STRADA: variants seen among roughly 807,000 people sequenced by gnomAD.
The protein encoded by STRADA is STE20 related adaptor alpha.
A neutral mutation model predicts 55.0 loss-of-function variants in STRADA; 26 were observed. The ratio of observed to expected loss-of-function variants is 0.47; its 90% CI spans 0.35 to 0.66. The LOEUF (loss-of-function observed/expected upper bound fraction) is 0.66, where lower values mean the gene tolerates loss of function less well. STRADA is among the 30% of genes least tolerant of loss of function. The pLI, the probability that STRADA is intolerant of heterozygous loss-of-function variation, is 0.01. For missense variants in STRADA, 443 were observed against 549.7 expected, an observed-to-expected ratio of 0.81 and a Z score of 1.94; for synonymous variants, 197 against 210.9, an observed-to-expected ratio of 0.93 and a Z score of 0.57.
Position 63,713,387 on chromosome 17 carries a change from C to T in STRADA, c.348+19G>A. 6.2e-7 allele frequency: 1 copy of T among 1,610,596 alleles called. No homozygotes were observed. The highest frequency in any genetic ancestry group is 2.2e-5 in the East Asian group (1 of 44,772). Reference sequence around the variant, plus strand: ...AAGAGCCCACCCTCCCTCCATGTGACACACTCATGGTTTATTACCTGCAAG... The same window carrying T: ...AAGAGCCCACCCTCCCTCCATGTGATACACTCATGGTTTATTACCTGCAAG... On this transcript the variant is annotated intron_variant, in intron 6 of 12. Coordinates refer to ENST00000336174, the MANE Select transcript of STRADA (RefSeq NM_001003787.4).
intron 1 of STRADA, among the ~76,000 whole-genome samples, chr17:63,728,797 C>T (rs1246072576): frequency 7.0e-6 from 1 of 143,238 alleles, no homozygotes; most frequent in Non-Finnish European, 1.5e-5. Context: ...ATCCCACCTA[C>T]TTAAGAATCG....
At chr17:63,716,731 T>G (rs773430212) in intron 4 of STRADA, among the ~76,000 whole-genome samples, 1 of 152,246 alleles carries the variant, frequency 6.6e-6, no homozygotes. Context: ...ACGTCCATAT[T>G]AAAGGCACTG....
intron 1 of STRADA, chr17:63,741,282 C>T (rs929927190): frequency 6.6e-6 from 1 of 152,246 alleles, no homozygotes; most frequent in African/African-American, 2.4e-5. Context: ...ATGAGCTCTT[C>T]GTTTAGGCCG....
At chr17:63,720,090 T>C (rs2037189867) in intron 4 of STRADA, among the ~76,000 whole-genome samples, 1 of 151,532 alleles carries the variant, frequency 6.6e-6, no homozygotes, top group Non-Finnish European at 1.5e-5. Flanking sequence ...GGCATGATCA[T>C]AGTTCACTAC....
At chr17:63,704,811 CA>C (rs2035971867) in intron 10 of STRADA, 3 of 1,535,112 alleles carry the variant, frequency 2.0e-6, no homozygotes, top group South Asian at 2.4e-5. Flanking sequence ...AGGGGTTGCA[CA>C]AAAGTACCCG....
chr17:63,740,010 C>T (rs71377708), intron 1 of STRADA, among the ~76,000 whole-genome samples: 1 of 144,850 alleles, frequency 6.9e-6, no homozygotes, highest in Non-Finnish European at 1.5e-5. Flanking sequence ...TCAAGCAATC[C>T]TACTGCCTCA....
intron 3 of STRADA, among the ~76,000 whole-genome samples, chr17:63,724,645 C>T (rs181142412): frequency 1.3e-5 from 2 of 152,144 alleles, no homozygotes; most frequent in Non-Finnish European, 2.9e-5. Context: ...AACTCCCGAC[C>T]TTGTGATCTG....
rs1370153885 is a variant in STRADA at position 63,710,488 on chromosome 17, C to T, written c.581+3G>A. On this transcript the variant is annotated splice_donor_region_variant and intron_variant, in intron 8 of 12. Coordinates refer to ENST00000336174, the MANE Select transcript of STRADA (RefSeq NM_001003787.4). ...TCATGGGAAAGGCCGCCTAAGAACG[C>T]ACCTGTGTACATATCCCATGTGGTG... 1 of 1,613,408 alleles carries T rather than the reference C, an allele frequency of 6.2e-7. No individual in the cohort carries two copies. Among genetic ancestry groups the T allele is most frequent in the Admixed American group, 1.7e-5 (1 of 60,024 alleles).
intron 4 of STRADA, among the ~76,000 whole-genome samples, chr17:63,719,638 C>A (rs1170821291): frequency 6.6e-6 from 1 of 152,154 alleles, no homozygotes; most frequent in Non-Finnish European, 1.5e-5. Flanking sequence ...TGCGTGCTAC[C>A]ATGCCCGGCT....
At chr17:63,703,906 A>G in intron 12 of STRADA, 99 bp downstream of exon 12, 1 of 1,607,006 alleles carries the variant, frequency 6.2e-7, no homozygotes, top group South Asian at 1.1e-5. Flanking sequence ...GAAGCGGGGT[A>G]GTTTCTCTCA....
At chr17:63,708,900 A>T (rs904552170) in intron 8 of STRADA, among the ~76,000 whole-genome samples, 5 of 152,204 alleles carry the variant, frequency 3.3e-5, no homozygotes, top group Non-Finnish European at 7.3e-5. Flanking sequence ...ACTCTTGTAA[A>T]GTGTACCTAG....
chr17:63,739,896 C>G (rs1369740045), intron 1 of STRADA, among the ~76,000 whole-genome samples: 1 of 144,318 alleles, frequency 6.9e-6, no homozygotes, highest in Non-Finnish European at 1.5e-5. Flanking sequence ...AAGGCCCGGG[C>G]CTGGGGAGAT....
chr17:63,736,521 G>A (rs751485828), intron 1 of STRADA, among the ~76,000 whole-genome samples: 32 of 151,696 alleles, frequency 2.1e-4, no homozygotes, highest in Non-Finnish European at 4.3e-4. Flanking sequence ...CCAGCTACTC[G>A]GGAGGCTAAG....
intron 4 of STRADA, among the ~76,000 whole-genome samples, chr17:63,720,752 G>T (rs567452608): frequency 6.7e-6 from 1 of 149,130 alleles, no homozygotes; most frequent in East Asian, 2.0e-4. Flanking sequence ...TCCAGCCTGG[G>T]CGACAGAGCG....
At chr17:63,708,657 C>T (rs904447940) in intron 8 of STRADA, among the ~76,000 whole-genome samples, 1 of 152,172 alleles carries the variant, frequency 6.6e-6, no homozygotes, top group African/African-American at 2.4e-5. Context: ...GCCTCAGCCT[C>T]CTGAGTAGCT....
At chr17:63,724,867 A>C (rs2037537237) in intron 3 of STRADA, among the ~76,000 whole-genome samples, 2 of 152,206 alleles carry the variant, frequency 1.3e-5, no homozygotes, top group Non-Finnish European at 2.9e-5. Flanking sequence ...TCATTATTCT[A>C]AACTCCCATT....
chr17:63,720,092 G>T (rs111835295), intron 4 of STRADA, among the ~76,000 whole-genome samples: 5,291 of 150,992 alleles, frequency 0.035, 298 homozygotes, highest in African/African-American at 0.12. Flanking sequence ...CATGATCATA[G>T]TTCACTACAG....
intron 1 of STRADA, among the ~76,000 whole-genome samples, chr17:63,728,799 TAAG>T (rs1336379723): frequency 6.8e-6 from 1 of 146,314 alleles, no homozygotes; most frequent in Non-Finnish European, 1.5e-5. Flanking sequence ...CCCACCTACT[TAAG>T]AATCGTTTGA....
chr17:63,713,557 G>C (rs16947051), intron 5 of STRADA, 30 bp from the exon 6 acceptor site: 563,895 of 1,601,440 alleles, frequency 0.35, 104,233 homozygotes, highest in South Asian at 0.56. Flanking sequence ...CCATACGCAA[G>C]GACAAGAACA....
Sources: allele counts gnomAD v4.1 joint callset (sites outside exome capture counted in the v4.1 genomes callset), GRCh38; gene constraint gnomAD v4.1.1; transcripts MANE v1.5; gene names NCBI Gene and HGNC (gene_info 2026-07-23, HGNC 2026-07-21).